The following MZT2A variants were observed in gnomAD, a reference collection of about 807,000 sequenced individuals.
MZT2A encodes the protein mitotic spindle organizing protein 2A, also known as mitotic-spindle organizing protein 2A.
Under a neutral mutation model 12.4 loss-of-function variants are expected in MZT2A, and 8 were observed. The ratio of observed to expected loss-of-function variants is 0.64; its 90% CI spans 0.38 to 1.16. The LOEUF is 1.16. MZT2A is among the 50% of genes most tolerant of loss of function. MZT2A has a pLI of 0.01. For synonymous variants in MZT2A, 88 were observed against 107.5 expected, an observed-to-expected ratio of 0.82 and a Z score of 1.12; for missense variants, 181 against 223.6, an observed-to-expected ratio of 0.81 and a Z score of 1.22.
At chr2:131,483,646 C>T (rs1224490294), downstream of MZT2A, among the ~76,000 whole-genome samples, 17 of 152,012 alleles carry the variant, frequency 1.1e-4, no homozygotes, top group Non-Finnish European at 1.8e-4. Flanking sequence ...ACCCAGGAGG[C>T]GGAGCTTGTA....
chr2:131,484,028 G>A lies in MZT2A; in HGVS notation c.*33C>T, dbSNP rs1375389845. 1 of 1,577,142 alleles carries A rather than the reference G, an allele frequency of 6.3e-7. No homozygotes were observed. The highest frequency in any genetic ancestry group is 8.7e-7 in the Non-Finnish European group (1 of 1,156,060). Reference sequence around the variant, plus strand: ...AAGGAGGTAACATGTAGCCTTTGCTGGGGACAAAGATGTGACAAGTCTCTG... The same window carrying A: ...AAGGAGGTAACATGTAGCCTTTGCTAGGGACAAAGATGTGACAAGTCTCTG... On this transcript the variant is annotated 3_prime_UTR_variant, in exon 3 of 3. Coordinates refer to ENST00000309451, the MANE Select transcript of MZT2A (RefSeq NM_001085365.2).
rs544137848 is a variant in MZT2A, at chr2:131,476,394, G to A, written c.279-4212C>T. Among the ~76,000 whole-genome samples, 30 of 152,312 alleles carry A rather than the reference G, an allele frequency of 2.0e-4. 1 individual carries two copies. Among genetic ancestry groups the A allele is most frequent in the African/African-American group, 6.7e-4 (28 of 41,574 alleles). ...TCCCAGGGCAGGGACGGCGGCTTTT[G>A]TTTTAGATGAAGCTGCCGGCCTTTA... On this transcript the variant is annotated intron_variant and NMD_transcript_variant, in intron 2 of 4. Transcript: ENST00000427024.
At chr2:131,476,015 G>A in intron 2 of MZT2A, 2 of 1,118,172 alleles carry the variant, frequency 1.8e-6, no homozygotes, top group Non-Finnish European at 1.3e-6. Context: ...TTGAGCAATG[G>A]CCAATCAGAA....
At chr2:131,478,026 A>G (rs1198610737) in intron 2 of MZT2A, 4 of 1,186,196 alleles carry the variant, frequency 3.4e-6, no homozygotes, top group African/African-American at 1.6e-5. Context: ...TCAGTCACTA[A>G]CCCTCCTAGG....
chr2:131,479,174 C>G (rs936211995), downstream of MZT2A: 6 of 1,384,918 alleles, frequency 4.3e-6, no homozygotes, highest in Non-Finnish European at 5.8e-6. Context: ...CAGACACTGC[C>G]ACTGTTGACC....
upstream of MZT2A, chr2:131,493,106 C>T (rs1347249948): frequency 1.4e-5 from 21 of 1,493,450 alleles, no homozygotes. Context: ...TGGCGGCTTC[C>T]ACCTCTGAAG....
rs114175506 is a variant in MZT2A, at chr2:131,472,290, A to T, written c.279-108T>A. Reference sequence around the variant, plus strand: ...TTGAAATGATTTAATAATTCACAGGACTCTTTTTATTGCTGTATACTAAAT... The same window carrying T: ...TTGAAATGATTTAATAATTCACAGGTCTCTTTTTATTGCTGTATACTAAAT... On this transcript the variant is annotated intron_variant and NMD_transcript_variant, in intron 2 of 4. Coordinates refer to the MZT2A transcript ENST00000427024. The T allele has an allele frequency of 3.2e-4, 317 of 991,970 alleles. No homozygotes were observed. The African/African-American group carries it at 5.1e-3, about 16-fold the overall frequency. The allele number at this position is 991,970 out of a possible 1,614,324, so 61.4% of individuals were successfully genotyped here.
intron 2 of MZT2A, chr2:131,491,257 G>C (rs1309566109): frequency 2.8e-6 from 1 of 361,766 alleles, no homozygotes; most frequent in East Asian, 6.8e-5. Context: ...GAGGGAGGAG[G>C]CCCTTCAGAC....
At chr2:131,476,241 C>T (rs1678662911) in intron 2 of MZT2A, 3 of 1,613,686 alleles carry the variant, frequency 1.9e-6, no homozygotes, top group Admixed American at 1.7e-5. Flanking sequence ...GATGCCCAGG[C>T]AGACGAAGTT....
intron 2 of MZT2A, among the ~76,000 whole-genome samples, chr2:131,485,578 T>C (rs1164212134): frequency 1.3e-5 from 2 of 152,080 alleles, no homozygotes; most frequent in Admixed American, 1.3e-4. Flanking sequence ...TGGCATTAAG[T>C]GTTTCTTCCT....
At chr2:131,470,988 A>G (rs1704970643) in intron 3 of MZT2A, among the ~76,000 whole-genome samples, 1 of 140,494 alleles carries the variant, frequency 7.1e-6, no homozygotes. Context: ...GTTCAGCTGC[A>G]CTGACAACCC....
At chr2:131,483,696 CAG>C (rs1371705570), downstream of MZT2A, among the ~76,000 whole-genome samples, 3 of 151,790 alleles carry the variant, frequency 2.0e-5, no homozygotes, top group African/African-American at 4.9e-5. Flanking sequence ...GCTTGGGTAA[CAG>C]AGCAAGACTC....
At chr2:131,481,074 T>C (rs1456957472), downstream of MZT2A, among the ~76,000 whole-genome samples, 3 of 151,774 alleles carry the variant, frequency 2.0e-5, no homozygotes, top group Non-Finnish European at 4.4e-5. Flanking sequence ...CGGCTAATTT[T>C]TGTATTTTTA....
At chr2:131,492,853 G>C, upstream of MZT2A, 1 of 1,484,782 alleles carries the variant, frequency 6.7e-7, no homozygotes, top group Middle Eastern at 2.3e-4. Context: ...GAGAAAGTGC[G>C]TGAGCCCTAC....
intron 2 of MZT2A, among the ~76,000 whole-genome samples, chr2:131,489,201 C>CTT (rs397873005): frequency 4.1e-5 from 6 of 145,644 alleles, no homozygotes; most frequent in Non-Finnish European, 7.5e-5. Flanking sequence ...CCTTTCTTTT[C>CTT]TTTTTTTTTT....
At chr2:131,492,939 G>T, upstream of MZT2A, 1 of 1,523,620 alleles carries the variant, frequency 6.6e-7, no homozygotes, top group South Asian at 1.2e-5. Flanking sequence ...CTCCTGCCTC[G>T]CCATTTCCCC....
At chr2:131,470,663 T>A (rs1207010748) in intron 3 of MZT2A, among the ~76,000 whole-genome samples, 3 of 151,016 alleles carry the variant, frequency 2.0e-5, no homozygotes, top group African/African-American at 7.4e-5. Flanking sequence ...TTCTACACAA[T>A]TGCAAAGGTG....
downstream of MZT2A, chr2:131,482,533 T>C: frequency 1.9e-6 from 3 of 1,591,580 alleles, no homozygotes; most frequent in African/African-American, 1.3e-5. Context: ...TGGACTGCTT[T>C]CTTTCCCTTC....
chr2:131,480,356 TCCCACGTACA>T (rs1678816795), downstream of MZT2A: 2 of 1,609,922 alleles, frequency 1.2e-6, no homozygotes, highest in Admixed American at 3.3e-5. Flanking sequence ...ACATTGAACG[TCCCACGTACA>T]CCAACCTCAA....
Sources: gnomAD v4.1 joint callset for allele counts (sites outside exome capture counted in the v4.1 genomes callset) on GRCh38, gnomAD v4.1.1 for gene constraint, MANE v1.5 for transcripts, NCBI Gene and HGNC (gene_info 2026-07-23, HGNC 2026-07-21) for gene names.